The following TRHDE variants were observed in gnomAD, a reference collection of about 807,000 sequenced individuals.
TRHDE encodes thyrotropin-releasing hormone-degrading ectoenzyme.
Under a neutral mutation model 125.7 loss-of-function variants are expected in TRHDE, and 72 were observed. The ratio of observed to expected loss-of-function variants is 0.57; its 90% CI spans 0.47 to 0.70. The LOEUF (loss-of-function observed/expected upper bound fraction) is 0.70. Among genes scored for constraint, TRHDE ranks in the 30% least tolerant of loss-of-function variants. The probability of loss-of-function intolerance (pLI) is 0.00; values close to 1 mark genes in which losing one functional copy is unlikely to be tolerated. For missense variants in TRHDE, 1,110 were observed against 1,327.1 expected, an observed-to-expected ratio of 0.84 and a Z score of 2.54; for synonymous variants, 509 against 509.1, an observed-to-expected ratio of 1.00 and a Z score of 0.00.
intron 1 of TRHDE, among the ~76,000 whole-genome samples, chr12:72,102,047 C>T (rs370898168): frequency 6.6e-5 from 10 of 152,098 alleles, no homozygotes; most frequent in African/African-American, 2.2e-4. Context: ...AAGCAAGGGC[C>T]TCTCGATGGA....
intron 2 of TRHDE, among the ~76,000 whole-genome samples, chr12:72,324,513 C>T (rs1461856204): frequency 1.3e-5 from 2 of 152,066 alleles, no homozygotes; most frequent in African/African-American, 4.8e-5. Context: ...ATAAGTCAGA[C>T]ATGAGCTGAA....
intron 5 of TRHDE, among the ~76,000 whole-genome samples, chr12:72,498,130 A>G (rs1189954012): frequency 6.6e-6 from 1 of 152,144 alleles, no homozygotes; most frequent in African/African-American, 2.4e-5. Context: ...AAGAAGTTAA[A>G]TATATGGGCC....
chr12:72,410,746 C>A (rs1205897102), intron 3 of TRHDE, among the ~76,000 whole-genome samples: 1 of 151,882 alleles, frequency 6.6e-6, no homozygotes, highest in Non-Finnish European at 1.5e-5. Flanking sequence ...ATAGCAGAAT[C>A]AAACCTAAAA....
chr12:72,532,182 GT>G (rs1352328276), intron 6 of TRHDE, among the ~76,000 whole-genome samples: 1 of 151,574 alleles, frequency 6.6e-6, no homozygotes, highest in Non-Finnish European at 1.5e-5. Context: ...ATATTTGTTT[GT>G]ACTTTTCCTT....
chr12:72,559,289 G>GA lies in TRHDE; in HGVS notation c.1789-2870dup, dbSNP rs1157408937. ...TGTATATTGAATCATTCAATTCTCAGAAAAAATATATACAGTAGTTATTTT... is the reference window on the plus strand; with the variant it reads ...TGTATATTGAATCATTCAATTCTCAGAAAAAAATATATACAGTAGTTATTTT... On this transcript the variant is annotated intron_variant, in intron 7 of 18. Transcript: ENST00000261180. 7.9e-5 allele frequency among the ~76,000 whole-genome samples: 12 copies of GA among 152,160 alleles called. No individual in the cohort carries two copies. In the East Asian group the frequency reaches 1.4e-3, roughly 17 times the overall value.
At chr12:72,293,872 G>A (rs1227079532) in intron 2 of TRHDE, among the ~76,000 whole-genome samples, 3 of 152,236 alleles carry the variant, frequency 2.0e-5, no homozygotes, top group Non-Finnish European at 2.9e-5. Context: ...ACTAGCCAAG[G>A]ATGAGTCAGG....
At chr12:72,617,909 A>C (rs1052259229) in intron 12 of TRHDE, among the ~76,000 whole-genome samples, 1 of 152,172 alleles carries the variant, frequency 6.6e-6, no homozygotes, top group Non-Finnish European at 1.5e-5. Context: ...CTACCTCTGA[A>C]TAGAGTCACA....
chr12:72,347,181 G>C (rs1401207540), intron 2 of TRHDE, among the ~76,000 whole-genome samples: 2 of 152,032 alleles, frequency 1.3e-5, no homozygotes, highest in African/African-American at 2.4e-5. Context: ...TCAATGTTTA[G>C]GTTTTTGAGG....
chr12:72,512,144 G>T (rs1323868208), intron 6 of TRHDE, among the ~76,000 whole-genome samples: 1 of 151,904 alleles, frequency 6.6e-6, no homozygotes, highest in African/African-American at 2.4e-5. Context: ...GTGATCTCAT[G>T]ATATGAGAAG....
chr12:72,145,146 G>A lies in TRHDE; in HGVS notation n.279+39394G>A, dbSNP rs150354881. Among the ~76,000 whole-genome samples, 624 of 152,268 alleles carry A rather than the reference G, an allele frequency of 4.1e-3. 1 individual carries two copies. The highest frequency in any genetic ancestry group is 0.014 in the African/African-American group (602 of 41,554). On this transcript the variant is annotated intron_variant and non_coding_transcript_variant, in intron 2 of 4. Coordinates refer to the TRHDE transcript ENST00000548156. ...TTCTCAGCTGCACCTGCCCCAAGTT[G>A]AGTTTCCATCACACTGAGCTGTTCT...
At chr12:72,441,439 A>G (rs1031242412) in intron 3 of TRHDE, among the ~76,000 whole-genome samples, 5 of 151,806 alleles carry the variant, frequency 3.3e-5, no homozygotes, top group Non-Finnish European at 5.9e-5. Flanking sequence ...GCCTTCAGTG[A>G]GTAGTAAGAC....
At chr12:72,318,801 G>A (rs753057117) in intron 2 of TRHDE, among the ~76,000 whole-genome samples, 1 of 152,014 alleles carries the variant, frequency 6.6e-6, no homozygotes, top group Non-Finnish European at 1.5e-5. Context: ...AGTACTTAGA[G>A]CAATTCCTGG....
At chr12:72,192,773 G>A (rs1388482890) in intron 2 of TRHDE, among the ~76,000 whole-genome samples, 1 of 152,056 alleles carries the variant, frequency 6.6e-6, no homozygotes, top group Non-Finnish European at 1.5e-5. Flanking sequence ...ATGCTTGAGT[G>A]CTGTATATAG....
At chr12:72,651,018 C>G (rs1045386206) in intron 15 of TRHDE, among the ~76,000 whole-genome samples, 2 of 152,062 alleles carry the variant, frequency 1.3e-5, no homozygotes, top group Non-Finnish European at 2.9e-5. Flanking sequence ...AGATGGAAAA[C>G]AAGAGAAAGA....
intron 17 of TRHDE, among the ~76,000 whole-genome samples, chr12:72,655,056 C>T (rs1208575930): frequency 6.6e-6 from 1 of 152,064 alleles, no homozygotes; most frequent in East Asian, 1.9e-4. Flanking sequence ...AGTGTATGGA[C>T]TAATTTTTGT....
chr12:72,423,386 C>T (rs1279752827), intron 3 of TRHDE, among the ~76,000 whole-genome samples: 1 of 152,134 alleles, frequency 6.6e-6, no homozygotes, highest in South Asian at 2.1e-4. Context: ...AGTGTTCCTC[C>T]GTTTGAGCTA....
upstream of TRHDE, among the ~76,000 whole-genome samples, chr12:72,270,922 A>G (rs574189797): frequency 1.3e-5 from 2 of 152,356 alleles, no homozygotes; most frequent in South Asian, 4.1e-4. Context: ...AAACTGGTCT[A>G]TTGATAACTA....
At chr12:72,228,398 G>A (rs2139372765) in intron 2 of TRHDE, among the ~76,000 whole-genome samples, 1 of 152,288 alleles carries the variant, frequency 6.6e-6, no homozygotes, top group South Asian at 2.1e-4. Context: ...TTTAGCCATG[G>A]CGTGAATGCA....
intron 12 of TRHDE, among the ~76,000 whole-genome samples, chr12:72,583,841 GAGCT>G (rs1871333577): frequency 6.6e-6 from 1 of 151,862 alleles, no homozygotes; most frequent in Non-Finnish European, 1.5e-5. Flanking sequence ...GATTTATGAG[GAGCT>G]ACTATACCAG....
Sources: allele counts gnomAD v4.1 joint callset (sites outside exome capture counted in the v4.1 genomes callset), GRCh38; gene constraint gnomAD v4.1.1; transcripts MANE v1.5; gene names NCBI Gene and HGNC (gene_info 2026-07-23, HGNC 2026-07-21).